Variants in PRDM16 observed in about 807,000 individuals in gnomAD.
PRDM16 encodes histone-lysine N-methyltransferase PRDM16.
In PRDM16, 23 loss-of-function variants were observed where a neutral mutation model predicts 110.6. The ratio of observed to expected loss-of-function variants is 0.21; its 90% confidence interval spans 0.15 to 0.29. The LOEUF is 0.29. Among genes scored for constraint, PRDM16 ranks in the 10% least tolerant of loss-of-function variants. The pLI is 1.00. For missense variants in PRDM16, 1,615 were observed against 1,794.3 expected (o/e 0.90, Z 1.81); for synonymous variants, 799 against 781.8 (o/e 1.02, Z -0.37).
chr1:3,122,147 C>A (rs1039622587), intron 1 of PRDM16, among the ~76,000 whole-genome samples: 1 of 152,202 alleles, frequency 6.6e-6, no homozygotes, highest in African/African-American at 2.4e-5. Context: ...GACAGCCGGG[C>A]TGTGTGGCAC....
chr1:3,420,898 G>A (rs1187560591), intron 12 of PRDM16, among the ~76,000 whole-genome samples: 1 of 152,102 alleles, frequency 6.6e-6, no homozygotes, highest in Non-Finnish European at 1.5e-5. Flanking sequence ...GTGGAGCCTG[G>A]AGTCACAGCC....
At chr1:3,402,094 G>C (rs528180680) in intron 5 of PRDM16, among the ~76,000 whole-genome samples, 1 of 152,230 alleles carries the variant, frequency 6.6e-6, no homozygotes, top group African/African-American at 2.4e-5. Flanking sequence ...AGACGCCCCC[G>C]TGCACTCACA....
chr1:3,152,374 AT>A (rs1409179023), intron 1 of PRDM16, among the ~76,000 whole-genome samples: 8 of 146,820 alleles, frequency 5.4e-5, no homozygotes, highest in Non-Finnish European at 8.8e-5. Flanking sequence ...CCATCCATCC[AT>A]CCATCCATTT....
chr1:3,342,611 G>C (rs907815599), intron 3 of PRDM16, among the ~76,000 whole-genome samples: 1 of 152,196 alleles, frequency 6.6e-6, no homozygotes, highest in Non-Finnish European at 1.5e-5. Flanking sequence ...TCAACAGAAG[G>C]CTTTTCCATC....
intron 1 of PRDM16, among the ~76,000 whole-genome samples, chr1:3,088,668 G>A (rs1227583632): frequency 6.6e-5 from 10 of 151,282 alleles, no homozygotes; most frequent in African/African-American, 1.2e-4. Flanking sequence ...GGGTTTCACC[G>A]TGTTAGCCAG....
In PRDM16 at chr1:3,426,216, C is replaced by G. The variant is rs916449828; in HGVS notation, c.3275C>G (p.Thr1092Arg). The stretch of plus-strand genomic sequence containing the variant: ...GAGATGAACCAAGCATCAACGCGAA[C>G]AGAGAAACGGTAAGAAAACTATCGC... ...NSEMNQASTR[T>R]EKRADMQIVD... is the part of the protein sequence containing the mutation. The change falls in exon 14 of 17, where the codon ACA becomes AGA. Residue 1092 changes from threonine to arginine, a missense_variant. This residue lies in a region of PRDM16 where 327 missense variants were observed against 359.3 expected (regional missense o/e 0.91). Transcript: ENST00000270722. The G allele has an allele frequency of 6.2e-7, 1 of 1,613,110 alleles. No homozygotes were observed. Among genetic ancestry groups the G allele is most frequent in the Admixed American group, 1.7e-5 (1 of 59,936 alleles).
chr1:3,229,270 G>A (rs748507868), intron 2 of PRDM16, among the ~76,000 whole-genome samples: 3 of 152,136 alleles, frequency 2.0e-5, no homozygotes, highest in Non-Finnish European at 2.9e-5. Flanking sequence ...GTGTCCCTGG[G>A]AGCACTGTTC....
In PRDM16 at chr1:3,436,199, C is replaced by CT. The variant is rs35439737; in HGVS notation, c.*2400dup. 211 of 208,566 alleles carry CT rather than the reference C, an allele frequency of 1.0e-3. 1 individual carries two copies. Among genetic ancestry groups the CT allele is most frequent in the Admixed American group, 8.5e-3 (143 of 16,888 alleles). 12.9% of individuals were successfully genotyped at this position (208,566 alleles called of 1,614,324 possible). A position where few individuals can be genotyped will look rare whatever the true frequency, so the allele number is the denominator to read the frequency against. ...CTTCTGCGAAAGAGTAAGGTGTGTGCTTTTTTTTTTTTGCAATATGACCCC... is the reference window on the plus strand; with the variant it reads ...CTTCTGCGAAAGAGTAAGGTGTGTGCTTTTTTTTTTTTTGCAATATGACCCC... On this transcript the variant is annotated 3_prime_UTR_variant, in exon 17 of 17. Coordinates refer to ENST00000270722, the MANE Select transcript of PRDM16 (RefSeq NM_022114.4).
intron 1 of PRDM16, among the ~76,000 whole-genome samples, chr1:3,091,609 C>T (rs1401516722): frequency 6.6e-6 from 1 of 152,214 alleles, no homozygotes. Context: ...GCGGAGGGCA[C>T]CTCTGCCCAG....
At chr1:3,212,027 G>A (rs1319867513) in intron 2 of PRDM16, among the ~76,000 whole-genome samples, 1 of 152,180 alleles carries the variant, frequency 6.6e-6, no homozygotes, top group Non-Finnish European at 1.5e-5. Context: ...ATTAATCCTC[G>A]CGTCGTCTTT....
intron 2 of PRDM16, among the ~76,000 whole-genome samples, chr1:3,216,085 TTGTCTC>T (rs1470901677): frequency 1.3e-5 from 2 of 152,164 alleles, no homozygotes; most frequent in East Asian, 1.9e-4. Context: ...ATGATGCTCT[TTGTCTC>T]TGTCTCTGTC....
intron 3 of PRDM16, among the ~76,000 whole-genome samples, chr1:3,380,883 A>G (rs1379898645): frequency 1.3e-5 from 2 of 152,122 alleles, no homozygotes; most frequent in African/African-American, 4.8e-5. Flanking sequence ...TCCTCCACAG[A>G]GCACAGTGAT....
intron 1 of PRDM16, among the ~76,000 whole-genome samples, chr1:3,165,105 C>T (rs1643935502): frequency 6.6e-6 from 1 of 152,226 alleles, no homozygotes; most frequent in Non-Finnish European, 1.5e-5. Flanking sequence ...TCTGCCTGGC[C>T]CTTCATGCAG....
chr1:3,131,903 G>A (rs893989982), intron 1 of PRDM16, among the ~76,000 whole-genome samples: 7 of 152,186 alleles, frequency 4.6e-5, no homozygotes, highest in African/African-American at 1.7e-4. Flanking sequence ...TCCTAGATAA[G>A]CCTGTTAAAT....
At chr1:3,332,925 C>T (rs1310138625) in intron 3 of PRDM16, among the ~76,000 whole-genome samples, 1 of 152,246 alleles carries the variant, frequency 6.6e-6, no homozygotes, top group African/African-American at 2.4e-5. Flanking sequence ...TTCTTCCTCA[C>T]TGTAGCGTGG....
intron 1 of PRDM16, among the ~76,000 whole-genome samples, chr1:3,181,566 G>A (rs1461443155): frequency 3.2e-5 from 2 of 63,280 alleles, no homozygotes; most frequent in Admixed American, 2.1e-4. Context: ...TCTTACACAC[G>A]CAGTCTTACA....
At chr1:3,233,869 C>T (rs1256369047) in intron 2 of PRDM16, among the ~76,000 whole-genome samples, 1 of 149,178 alleles carries the variant, frequency 6.7e-6, no homozygotes, top group Non-Finnish European at 1.5e-5. Context: ...AATCATACCG[C>T]AATGAAGTGT....
chr1:3,079,164 C>A (rs1253494735), intron 1 of PRDM16, among the ~76,000 whole-genome samples: 7 of 152,266 alleles, frequency 4.6e-5, no homozygotes, highest in African/African-American at 1.4e-4. Context: ...ATCTCCGCCG[C>A]TGCCCGGGCC....
In PRDM16 at chr1:3,157,422, TAAAAAAA is replaced by T. The variant is rs34858929; in HGVS notation, c.38-28689_38-28683del. On this transcript the variant is annotated intron_variant, in intron 1 of 16. Coordinates refer to ENST00000270722, the MANE Select transcript of PRDM16 (RefSeq NM_022114.4). This position sits in a 1 kb window ranked among gnomAD's most constrained non-coding sequence, Gnocchi z 4.8. ...GCTCCCAGGCCTTTTGCGATCCCAT[TAAAAAAA>T]AAAAAAAAAAAAACACCTTTGTGGG... Among the ~76,000 whole-genome samples, 815 of 122,164 alleles carry T rather than the reference TAAAAAAA, an allele frequency of 6.7e-3. 6 individuals carry two copies. The highest frequency in any genetic ancestry group is 0.024 in the African/African-American group (761 of 31,492). 80.1% of individuals were successfully genotyped at this position (122,164 alleles called of 152,430 possible). A position where few individuals can be genotyped will look rare whatever the true frequency, so the allele number is the denominator to read the frequency against.
Sources: allele counts gnomAD v4.1 joint callset (sites outside exome capture counted in the v4.1 genomes callset), GRCh38; gene constraint gnomAD v4.1.1; regional missense constraint gnomAD v4.1.1; non-coding constraint Gnocchi (gnomAD v3.1); transcripts MANE v1.5; gene names NCBI Gene and HGNC (gene_info 2026-07-23, HGNC 2026-07-21).